The following COLEC12 variants were observed in gnomAD, a reference collection of about 807,000 sequenced individuals.
The protein encoded by COLEC12 is collectin-12.
COLEC12 carries 33 observed loss-of-function variants against 71.1 expected under a neutral mutation model. The observed-to-expected ratio is 0.46, with a 90% CI of 0.35 to 0.62. COLEC12 has a LOEUF of 0.62. Ranked by LOEUF, COLEC12 falls within the 20% of genes least tolerant of loss-of-function variation. COLEC12 has a pLI of 0.00. For synonymous variants in COLEC12, 350 were observed against 353.0 expected (o/e 0.99, Z 0.10); for missense variants, 765 against 916.1 (o/e 0.84, Z 2.13).
chr18:488,238 TC>T (rs1381896490), intron 1 of COLEC12, among the ~76,000 whole-genome samples: 1 of 149,196 alleles, frequency 6.7e-6, no homozygotes, highest in Admixed American at 6.7e-5. Context: ...TGGTGAAACC[TC>T]GTCTCTACTA....
At chr18:392,848 C>T (rs1269487852) in intron 2 of COLEC12, among the ~76,000 whole-genome samples, 2 of 152,238 alleles carry the variant, frequency 1.3e-5, no homozygotes, top group Non-Finnish European at 2.9e-5. Flanking sequence ...GGTTACTTCT[C>T]TTCCATGACT....
At chr18:406,488 C>A (rs1022901166) in intron 2 of COLEC12, among the ~76,000 whole-genome samples, 1 of 134,520 alleles carries the variant, frequency 7.4e-6, no homozygotes. Flanking sequence ...CGCAGTCCGG[C>A]CTGGACGACA....
intron 2 of COLEC12, among the ~76,000 whole-genome samples, chr18:462,444 T>C (rs937526516): frequency 1.3e-5 from 2 of 152,176 alleles, no homozygotes; most frequent in African/African-American, 2.4e-5. Context: ...ATTCCAGTGA[T>C]ATGAAACGTT....
intron 2 of COLEC12, among the ~76,000 whole-genome samples, chr18:435,802 C>G (rs1471230231): frequency 6.6e-6 from 1 of 152,052 alleles, no homozygotes; most frequent in East Asian, 1.9e-4. Context: ...TTTCAAAATG[C>G]AAAAAGTGTA....
intron 2 of COLEC12, among the ~76,000 whole-genome samples, chr18:441,199 G>A (rs1352288915): frequency 1.3e-5 from 2 of 149,786 alleles, no homozygotes; most frequent in Non-Finnish European, 3.0e-5. Context: ...AGTGAGCCGA[G>A]ATTGTGCCAC....
chr18:367,458 G>A (rs1424796184), intron 2 of COLEC12, among the ~76,000 whole-genome samples: 1 of 152,082 alleles, frequency 6.6e-6, no homozygotes, highest in African/African-American at 2.4e-5. Context: ...GACATTCCTC[G>A]TTCCTCAAAA....
rs752827718 is a variant in COLEC12, at chr18:347,089, A to G, written c.533T>C (p.Val178Ala). 1 of 1,614,192 alleles carries G rather than the reference A, an allele frequency of 6.2e-7. No individual in the cohort carries two copies. The highest frequency in any genetic ancestry group is 1.1e-5 in the South Asian group (1 of 91,074). ...NKTLQAYNGY[V>A]TNLQQDTSVL... ...GCTGGTATCTTGCTGCAGATTCGTG[A>G]CATAGCCATTATACGCCTGGAGGGT... The change falls in exon 5 of 10, where the codon GTC becomes GCC. Residue 178 changes from valine to alanine, a missense_variant. Transcript: ENST00000400256.
intron 2 of COLEC12, among the ~76,000 whole-genome samples, chr18:400,511 C>T (rs1022721951): frequency 1.3e-5 from 2 of 152,112 alleles, no homozygotes; most frequent in Non-Finnish European, 2.9e-5. Context: ...TCAGAATTAC[C>T]TTCTGAAGGG....
At chr18:425,086 C>T (rs999524765) in intron 2 of COLEC12, among the ~76,000 whole-genome samples, 5 of 152,196 alleles carry the variant, frequency 3.3e-5, no homozygotes, top group African/African-American at 1.2e-4. Flanking sequence ...GATCTGTAAC[C>T]TCTCAGACTG....
At chr18:389,829 G>A (rs1185970817) in intron 2 of COLEC12, among the ~76,000 whole-genome samples, 1 of 152,092 alleles carries the variant, frequency 6.6e-6, no homozygotes, top group Non-Finnish European at 1.5e-5. Context: ...GAGTACTTCT[G>A]AAAAGTTGCT....
intron 2 of COLEC12, among the ~76,000 whole-genome samples, chr18:401,806 C>CCT: frequency 6.6e-6 from 1 of 152,156 alleles, no homozygotes; most frequent in East Asian, 1.9e-4. Flanking sequence ...GGCTTCAAGC[C>CCT]CTCTCTCTTC....
At chr18:330,773 T>A (rs535138937) in intron 8 of COLEC12, among the ~76,000 whole-genome samples, 1 of 152,032 alleles carries the variant, frequency 6.6e-6, no homozygotes, top group African/African-American at 2.4e-5. Context: ...ATGGAACTTA[T>A]GGGGAATCTT....
chr18:365,898 C>T (rs1037890799), intron 2 of COLEC12, among the ~76,000 whole-genome samples: 2 of 152,012 alleles, frequency 1.3e-5, no homozygotes, highest in South Asian at 4.2e-4. Flanking sequence ...AACTGAGGCC[C>T]AAGGAACTCC....
intron 1 of COLEC12, among the ~76,000 whole-genome samples, chr18:485,746 T>A (rs1172957490): frequency 6.6e-6 from 1 of 152,192 alleles, no homozygotes; most frequent in Non-Finnish European, 1.5e-5. Context: ...GAGCTGAGAG[T>A]CATCCACATT....
intron 1 of COLEC12, among the ~76,000 whole-genome samples, chr18:483,399 CAAAA>C (rs71174236): frequency 1.2e-5 from 1 of 81,374 alleles, no homozygotes; most frequent in Non-Finnish European, 2.6e-5. Context: ...GACTCCGTCT[CAAAA>C]AAAAAAAAAA....
At chr18:349,644 C>G (rs114489749) in intron 3 of COLEC12, among the ~76,000 whole-genome samples, 1 of 152,234 alleles carries the variant, frequency 6.6e-6, no homozygotes, top group Admixed American at 6.5e-5. Flanking sequence ...ATGCTCAACA[C>G]CAGCCATGAA....
intron 2 of COLEC12, among the ~76,000 whole-genome samples, chr18:455,890 T>C (rs1916862663): frequency 6.6e-6 from 1 of 151,926 alleles, no homozygotes; most frequent in South Asian, 2.1e-4. Context: ...TTTGCCCATT[T>C]GCACATTTTC....
intron 2 of COLEC12, among the ~76,000 whole-genome samples, chr18:373,412 T>C (rs1354660176): frequency 2.0e-5 from 3 of 152,134 alleles, no homozygotes; most frequent in African/African-American, 4.8e-5. Flanking sequence ...TGTGGACACA[T>C]GGAAACGGAT....
At chr18:373,231 T>A (rs191130073) in intron 2 of COLEC12, among the ~76,000 whole-genome samples, 58 of 152,364 alleles carry the variant, frequency 3.8e-4, no homozygotes, top group African/African-American at 1.2e-3. Context: ...ACTTATCCAA[T>A]GTAAGCTCAT....
Sources: allele counts gnomAD v4.1 joint callset (sites outside exome capture counted in the v4.1 genomes callset), GRCh38; gene constraint gnomAD v4.1.1; transcripts MANE v1.5; gene names NCBI Gene and HGNC (gene_info 2026-07-23, HGNC 2026-07-21).